The following BRWD1 variants were observed in gnomAD, a reference collection of about 807,000 sequenced individuals.
BRWD1 encodes bromodomain and WD repeat-containing protein 1.
In BRWD1, 82 loss-of-function variants were observed where a neutral mutation model predicts 251.2. The observed-to-expected ratio is 0.33, with a 90% CI of 0.27 to 0.39. The LOEUF (loss-of-function observed/expected upper bound fraction) is 0.39. Ranked by LOEUF, BRWD1 falls within the 10% of genes least tolerant of loss-of-function variation. The pLI, the probability that BRWD1 is intolerant of heterozygous loss-of-function variation, is 1.00. For synonymous variants in BRWD1, 918 were observed against 902.8 expected, an observed-to-expected ratio of 1.02 and a Z score of -0.30; for missense variants, 2,233 against 2,711.6, an observed-to-expected ratio of 0.82 and a Z score of 3.92.
chr21:39,199,093 G>C lies in BRWD1; in HGVS notation c.5323C>G (p.Pro1775Ala), dbSNP rs202178838. Reference sequence around the variant, plus strand: ...TTAAGTTTCTGCACAGACGTTGATGGGCCAGCAGTTCTGTTACATGCATGA... The same window carrying C: ...TTAAGTTTCTGCACAGACGTTGATGCGCCAGCAGTTCTGTTACATGCATGA... ...SDHACNRTAG[P>A]STSVQKLKAE... Residue 1775 changes from proline to alanine, a missense_variant, in exon 40 of 41, where the codon CCA becomes GCA. Physicochemically the swap from Pro to Ala is conservative, Grantham distance 27. Coordinates refer to ENST00000342449, the MANE Select transcript of BRWD1 (RefSeq NM_033656.4). 5 of 1,613,942 alleles carry C rather than the reference G, an allele frequency of 3.1e-6. No individual in the cohort carries two copies. Among genetic ancestry groups the C allele is most frequent in the Non-Finnish European group, 4.2e-6 (5 of 1,179,982 alleles).
intron 21 of BRWD1, among the ~76,000 whole-genome samples, chr21:39,241,473 T>TAAAAAAAAAAAA (rs61488970): frequency 4.5e-5 from 2 of 44,918 alleles, no homozygotes; most frequent in African/African-American, 7.0e-5. Flanking sequence ...ATCTCCAAAG[T>TAAAAAAAAAAAA]AAAAAAAAAA....
chr21:39,219,356 G>C (rs538745254), intron 29 of BRWD1: 1 of 152,536 alleles, frequency 6.6e-6, no homozygotes, highest in Non-Finnish European at 1.5e-5. Context: ...GGAGGTGGAG[G>C]TTGCAGTGAG....
At chr21:39,307,583 G>A (rs1187587331) in intron 4 of BRWD1, among the ~76,000 whole-genome samples, 1 of 152,072 alleles carries the variant, frequency 6.6e-6, no homozygotes, top group South Asian at 2.1e-4. Flanking sequence ...ACCCAAACTG[G>A]GAGGAGACTG....
At position 39,312,485 on chromosome 21, in the gene BRWD1, T is replaced by G. The variant is rs569662310; in HGVS notation, c.198+356A>C. Reference sequence around the variant, plus strand: ...CAGCGAGGCCAATCAGAGCGCGAGTTACAAGCGCGGTGGAGCGGGGAAGCG... The same window carrying G: ...CAGCGAGGCCAATCAGAGCGCGAGTGACAAGCGCGGTGGAGCGGGGAAGCG... On this transcript the variant is annotated intron_variant, in intron 4 of 40. Coordinates refer to ENST00000342449, the MANE Select transcript of BRWD1 (RefSeq NM_033656.4). 152 of 195,976 alleles carry G rather than the reference T, an allele frequency of 7.8e-4. 1 individual carries two copies. Among genetic ancestry groups the G allele is most frequent in the African/African-American group, 3.5e-3 (148 of 42,754 alleles). The allele number at this position is 195,976 out of a possible 1,614,324, so 12.1% of individuals were successfully genotyped here.
chr21:39,187,755 TC>T lies in BRWD1; in HGVS notation c.*8503del. 3 of 984,700 alleles carry T rather than the reference TC, an allele frequency of 3.0e-6. No homozygotes were observed. In the South Asian group the frequency reaches 1.4e-4, roughly 46 times the overall value. The allele number at this position is 984,700 out of a possible 1,614,324, so 61.0% of individuals were successfully genotyped here. A position where few individuals can be genotyped will look rare whatever the true frequency, so the allele number is the denominator to read the frequency against. ...AATTACTAAATCTTAACTTCATTGT[TC>T]CAGTATTTTCTGACCTAGGTATGTG... On this transcript the variant is annotated 3_prime_UTR_variant, in exon 41 of 41. Transcript: ENST00000342449.
intron 17 of BRWD1, among the ~76,000 whole-genome samples, chr21:39,261,119 G>C (rs767316046): frequency 1.5e-4 from 23 of 152,104 alleles, no homozygotes; most frequent in Non-Finnish European, 2.6e-4. Context: ...CAGCTACGTG[G>C]GAAGCTGAGG....
chr21:39,320,124 A>G (rs1179859730), intron 1 of BRWD1, among the ~76,000 whole-genome samples: 4 of 152,112 alleles, frequency 2.6e-5, no homozygotes, highest in Non-Finnish European at 1.5e-5. Context: ...TGAGTTTCCA[A>G]TGGGATTCAT....
At chr21:39,216,537 GGCCTTACT>G (rs2032900806) in intron 31 of BRWD1, 1 of 168,866 alleles carries the variant, frequency 5.9e-6, no homozygotes, top group Non-Finnish European at 1.3e-5. Context: ...TAAGATATCA[GGCCTTACT>G]GGAGACACTC....
chr21:39,253,415 C>G (rs755223052), intron 19 of BRWD1, among the ~76,000 whole-genome samples: 1 of 151,660 alleles, frequency 6.6e-6, no homozygotes, highest in Non-Finnish European at 1.5e-5. Flanking sequence ...TCTAGTCTTC[C>G]TTCGGATAAG....
At chr21:39,271,695 T>TG (rs1169763636) in intron 13 of BRWD1, among the ~76,000 whole-genome samples, 1 of 9,260 alleles carries the variant, frequency 1.1e-4, no homozygotes, top group Non-Finnish European at 2.1e-4. Context: ...AGACTCCGTC[T>TG]CAAAAAAAAA....
At chr21:39,298,217 T>C in intron 5 of BRWD1, 1 of 1,200,962 alleles carries the variant, frequency 8.3e-7, no homozygotes, top group Non-Finnish European at 1.0e-6. Flanking sequence ...TAGCTTAACA[T>C]CTATATCTTT....
intron 19 of BRWD1, among the ~76,000 whole-genome samples, chr21:39,251,756 T>C (rs1601387541): frequency 6.6e-6 from 1 of 152,194 alleles, no homozygotes. Context: ...TAAGGAACCA[T>C]ATAACGAGAT....
In BRWD1 at chr21:39,213,545, T is replaced by C; in HGVS notation, c.3794A>G (p.His1265Arg). The C allele has an allele frequency of 6.2e-7, 1 of 1,605,500 alleles. No individual in the cohort carries two copies. Among genetic ancestry groups the C allele is most frequent in the Non-Finnish European group, 8.5e-7 (1 of 1,176,582 alleles). Reference protein sequence around the residue: ...DQLLKFIKNQHCTNISELSNT... With the variant: ...DQLLKFIKNQRCTNISELSNT... The stretch of plus-strand genomic sequence containing the variant: ...AGAAAGTTCTGAGATATTTGTACAG[T>C]GTTGATTCCTAAAAAACAAATTTTC... The change falls in exon 33 of 41, where the codon CAC (histidine) becomes CGC (arginine). Residue 1265 changes from histidine (H) to arginine (R), a missense_variant. By Grantham distance (29) the His-to-Arg change is conservative. Coordinates refer to ENST00000342449, the MANE Select transcript of BRWD1 (RefSeq NM_033656.4).
chr21:39,277,212 A>T (rs1229429001), intron 11 of BRWD1, 39 bp downstream of exon 11: 1 of 1,450,782 alleles, frequency 6.9e-7, no homozygotes, highest in Non-Finnish European at 9.6e-7. Flanking sequence ...GAATAGTATT[A>T]ACAATTAATC....
chr21:39,287,874 G>C (rs1455124451), intron 8 of BRWD1, among the ~76,000 whole-genome samples: 1 of 152,066 alleles, frequency 6.6e-6, no homozygotes, highest in African/African-American at 2.4e-5. Context: ...TTCCCCTTCA[G>C]CACAACTTCA....
chr21:39,277,126 G>T, intron 11 of BRWD1, 125 bp downstream of exon 11: 1 of 531,118 alleles, frequency 1.9e-6, no homozygotes, highest in South Asian at 5.2e-5. Flanking sequence ...AGTTATAAAT[G>T]ACAGTTCATT....
chr21:39,215,218 C>T lies in BRWD1; in HGVS notation c.3785+19G>A, dbSNP rs1475608658. ...ACAATATGCAGTCACTTTTACACAACATCTATGAAATTACTTACTTGATAA... is the reference window on the plus strand; with the variant it reads ...ACAATATGCAGTCACTTTTACACAATATCTATGAAATTACTTACTTGATAA... On this transcript the variant is annotated intron_variant, in intron 32 of 40. Coordinates refer to ENST00000342449, the MANE Select transcript of BRWD1 (RefSeq NM_033656.4). The T allele has an allele frequency of 8.1e-6, 13 of 1,607,792 alleles. No individual in the cohort carries two copies. In the Admixed American group the frequency reaches 1.5e-4, roughly 19 times the overall value.
intron 29 of BRWD1, among the ~76,000 whole-genome samples, chr21:39,223,315 A>G (rs1262317446): frequency 6.6e-6 from 1 of 152,192 alleles, no homozygotes; most frequent in Non-Finnish European, 1.5e-5. Context: ...TTAAAGTGCT[A>G]TAAAAAATGG....
At position 39,224,489 on chromosome 21, in the gene BRWD1, C is replaced by A; in HGVS notation, c.3321-20G>T. ...TCCCACCTGTTAAAAAACAACAAAT[C>A]TCTGGTTAGCCTTTCATAAAAACAA... On this transcript the variant is annotated intron_variant, in intron 28 of 40. Transcript: ENST00000342449. The A allele has an allele frequency of 6.4e-7, 1 of 1,562,574 alleles. No homozygotes were observed. Among genetic ancestry groups the A allele is most frequent in the Non-Finnish European group, 8.7e-7 (1 of 1,147,246 alleles).
Sources: allele counts gnomAD v4.1 joint callset (sites outside exome capture counted in the v4.1 genomes callset), GRCh38; gene constraint gnomAD v4.1.1; transcripts MANE v1.5; gene names NCBI Gene and HGNC (gene_info 2026-07-23, HGNC 2026-07-21).